BBS7: variants seen among roughly 807,000 people sequenced by gnomAD.
BBS7 encodes the protein BBSome complex member BBS7.
BBS7 carries 50 observed loss-of-function variants against 90.3 expected under a neutral mutation model. That is an observed-to-expected ratio of 0.55 (90% CI 0.44 to 0.70). The LOEUF (loss-of-function observed/expected upper bound fraction) is 0.70. Among genes scored for constraint, BBS7 ranks in the 30% least tolerant of loss-of-function variants. BBS7 has a pLI of 0.00. For synonymous variants in BBS7, 235 were observed against 287.4 expected (o/e 0.82, Z 1.85); for missense variants, 729 against 838.9 (o/e 0.87, Z 1.62).
At position 121,853,190 on chromosome 4, in the gene BBS7, G is replaced by A. The variant is rs541866249; in HGVS notation, c.719-104C>T. ...AACACACATACCGACTCAGAATGGT[G>A]AGCAAAAAAACTTTGACCAAAATCA... On this transcript the variant is annotated intron_variant, in intron 7 of 18. Transcript: ENST00000264499. The A allele has an allele frequency of 5.7e-5, 74 of 1,292,490 alleles. No individual in the cohort carries two copies. In the African/African-American group the frequency reaches 9.7e-4, roughly 17 times the overall value. The allele number at this position is 1,292,490 out of a possible 1,614,324, so 80.1% of individuals were successfully genotyped here.
chr4:121,836,050 T>C (rs1417937405), intron 13 of BBS7, among the ~76,000 whole-genome samples: 2 of 152,232 alleles, frequency 1.3e-5, no homozygotes, highest in African/African-American at 2.4e-5. Flanking sequence ...AATAACTTAA[T>C]TGTTGACATT....
At chr4:121,826,407 T>C (rs1049502924) in intron 18 of BBS7, among the ~76,000 whole-genome samples, 1 of 152,230 alleles carries the variant, frequency 6.6e-6, no homozygotes, top group Non-Finnish European at 1.5e-5. Flanking sequence ...TCTTGGGATT[T>C]GACTTGAAGG....
chr4:121,832,709 G>A (rs1725259344), intron 15 of BBS7, among the ~76,000 whole-genome samples: 1 of 152,244 alleles, frequency 6.6e-6, no homozygotes, highest in Non-Finnish European at 1.5e-5. Context: ...GAAGTTCTAA[G>A]CCATGTTATA....
chr4:121,836,659 A>G (rs1044406794), intron 13 of BBS7, among the ~76,000 whole-genome samples: 8 of 152,144 alleles, frequency 5.3e-5, no homozygotes, highest in Non-Finnish European at 1.2e-4. Flanking sequence ...GCTGCAATTA[A>G]TTATATTCAT....
intron 7 of BBS7, among the ~76,000 whole-genome samples, chr4:121,853,455 C>A (rs1367469487): frequency 6.6e-6 from 1 of 152,024 alleles, no homozygotes; most frequent in Non-Finnish European, 1.5e-5. Context: ...TGTCTTCCCC[C>A]ATCTCCATAA....
At chr4:121,864,864 T>C (rs995914987) in intron 2 of BBS7, among the ~76,000 whole-genome samples, 1 of 152,218 alleles carries the variant, frequency 6.6e-6, no homozygotes, top group African/African-American at 2.4e-5. Context: ...ATAATTAGCA[T>C]ATCCATCATC....
chr4:121,854,955 TTATA>T, intron 6 of BBS7, 135 bp from the exon 7 acceptor site: 2 of 825,692 alleles, frequency 2.4e-6, no homozygotes, highest in Admixed American at 2.5e-5. Flanking sequence ...TTGAGAATGG[TTATA>T]TATTCACACA....
At position 121,854,692 on chromosome 4, in the gene BBS7, T is replaced by G. The variant is rs774687060; in HGVS notation, c.718+12A>C. The stretch of plus-strand genomic sequence containing the variant: ...TTGACACCTCAGAATCTGAACTACA[T>G]GAAAAGCATACCTCCTCTCTTTTTC... On this transcript the variant is annotated intron_variant, in intron 7 of 18. Transcript: ENST00000264499. The G allele has an allele frequency of 1.2e-6, 2 of 1,609,532 alleles. No individual in the cohort carries two copies. Among genetic ancestry groups the G allele is most frequent in the South Asian group, 2.2e-5 (2 of 90,344 alleles).
chr4:121,843,786 C>T (rs1457467507), intron 12 of BBS7, 141 bp downstream of exon 12: 1 of 656,122 alleles, frequency 1.5e-6, no homozygotes, highest in African/African-American at 1.8e-5. Flanking sequence ...GGAAAGAGAA[C>T]CGACACAGAT....
chr4:121,848,117 C>T (rs1353345251), intron 9 of BBS7, among the ~76,000 whole-genome samples: 1 of 152,094 alleles, frequency 6.6e-6, no homozygotes, highest in Non-Finnish European at 1.5e-5. Context: ...TTTTATAAAT[C>T]AAGAAGCCTA....
Position 121,861,585 on chromosome 4 carries a change from G to A in BBS7, c.260C>T (p.Ala87Val), listed in dbSNP as rs1726980206. The change falls in exon 4 of 19, where the codon GCA becomes GTA. Residue 87 changes from alanine (A) to valine (V), a missense_variant. Transcript: ENST00000264499. ...TPQEKIFIAA[A>V]SEIRGFTKRG... ...TTTTGTGAAGCCTCTAATCTCAGAT[G>A]CTGCAGCAATAAAAATTTTCTCCTG... The A allele has an allele frequency of 6.8e-6, 11 of 1,613,540 alleles. No individual in the cohort carries two copies. The highest frequency in any genetic ancestry group is 1.7e-5 in the Admixed American group (1 of 59,978).
At chr4:121,849,079 T>TA (rs2149072844) in intron 8 of BBS7, 151 bp from the exon 9 acceptor site, 1 of 641,008 alleles carries the variant, frequency 1.6e-6, no homozygotes, top group Admixed American at 2.8e-5. Context: ...AAAGACAAAA[T>TA]ATCTTGAACA....
chr4:121,866,202 C>T (rs1727263990), intron 2 of BBS7, among the ~76,000 whole-genome samples: 2 of 152,002 alleles, frequency 1.3e-5, no homozygotes, highest in Non-Finnish European at 2.9e-5. Context: ...GTTTCCTTTC[C>T]TGTGTAGAAG....
chr4:121,826,010 T>A lies in BBS7; in HGVS notation c.2015-17A>T, dbSNP rs1226821091. 4 of 1,572,334 alleles carry A rather than the reference T, an allele frequency of 2.5e-6. No homozygotes were observed. The highest frequency in any genetic ancestry group is 3.5e-6 in the Non-Finnish European group (4 of 1,146,002). Reference sequence around the variant, plus strand: ...TGATCATGCCTTTAAAGAAAAAACATAAATTTCCTGTCAGTGATTAGTTAT... The same window carrying A: ...TGATCATGCCTTTAAAGAAAAAACAAAAATTTCCTGTCAGTGATTAGTTAT... On this transcript the variant is annotated splice_polypyrimidine_tract_variant and intron_variant, in intron 18 of 18. Transcript: ENST00000264499.
rs1441319648 is a variant in BBS7 at position 121,824,576 on chromosome 4, T to C, written c.*1284A>G. On this transcript the variant is annotated 3_prime_UTR_variant, in exon 19 of 19. Transcript: ENST00000264499. This position sits in a 1 kb window ranked among gnomAD's most constrained non-coding sequence, Gnocchi z 4.1. ...GATATATATAATAAATAGCAGTGCA[T>C]TACAAAATATTCAAATACAGTCATT... 1 of 152,154 alleles carries C rather than the reference T, an allele frequency of 6.6e-6. No individual in the cohort carries two copies. The highest frequency in any genetic ancestry group is 1.9e-4 in the East Asian group (1 of 5,196). The allele number at this position is 152,154 out of a possible 1,614,324, so 9.4% of individuals were successfully genotyped here.
chr4:121,841,402 A>G (rs1427205068), intron 12 of BBS7, among the ~76,000 whole-genome samples: 1 of 152,020 alleles, frequency 6.6e-6, no homozygotes, highest in African/African-American at 2.4e-5. Flanking sequence ...ACAAAAAATA[A>G]AAAATAAAAA....
At chr4:121,849,284 T>C (rs538962926) in intron 8 of BBS7, among the ~76,000 whole-genome samples, 7 of 152,326 alleles carry the variant, frequency 4.6e-5, no homozygotes, top group African/African-American at 1.7e-4. Flanking sequence ...CACTGCAGCC[T>C]TGACCTCCTG....
At chr4:121,838,526 A>G (rs1000228386) in intron 13 of BBS7, among the ~76,000 whole-genome samples, 18 of 152,196 alleles carry the variant, frequency 1.2e-4, no homozygotes, top group African/African-American at 4.3e-4. Flanking sequence ...GAAAATGACT[A>G]TGTCATTAAA....
intron 14 of BBS7, among the ~76,000 whole-genome samples, chr4:121,834,449 A>G (rs73844297): frequency 0.083 from 12,692 of 152,238 alleles, 1,276 homozygotes; most frequent in African/African-American, 0.24. Flanking sequence ...ATTTTAAATT[A>G]TAGGCAGCAA....
Sources: gnomAD v4.1 joint callset for allele counts (sites outside exome capture counted in the v4.1 genomes callset) on GRCh38, gnomAD v4.1.1 for gene constraint, Gnocchi (gnomAD v3.1) non-coding constraint, MANE v1.5 for transcripts, NCBI Gene and HGNC (gene_info 2026-07-23, HGNC 2026-07-21) for gene names.